The following RIPK1 variants were observed in gnomAD, a reference collection of about 807,000 sequenced individuals.
The protein encoded by RIPK1 is receptor-interacting serine/threonine-protein kinase 1.
Under a neutral mutation model 62.4 loss-of-function variants are expected in RIPK1, and 27 were observed. The ratio of observed to expected loss-of-function variants is 0.43; its 90% CI spans 0.32 to 0.60. The LOEUF (loss-of-function observed/expected upper bound fraction) is 0.60. RIPK1 is among the 20% of genes least tolerant of loss of function. The probability of loss-of-function intolerance (pLI) is 0.07; values close to 1 mark genes in which losing one functional copy is unlikely to be tolerated. For synonymous variants in RIPK1, 287 were observed against 303.2 expected, an observed-to-expected ratio of 0.95 and a Z score of 0.55; for missense variants, 735 against 831.0, an observed-to-expected ratio of 0.88 and a Z score of 1.42.
chr6:3,068,354 A>C, upstream of RIPK1: 1 of 985,300 alleles, frequency 1.0e-6, no homozygotes, highest in Non-Finnish European at 1.2e-6. Context: ...TCGCTTGAAA[A>C]CAAAGTCCGC....
intron 8 of RIPK1, among the ~76,000 whole-genome samples, chr6:3,104,552 T>G (rs1032785146): frequency 6.6e-6 from 1 of 152,042 alleles, no homozygotes; most frequent in Non-Finnish European, 1.5e-5. Flanking sequence ...ATATATCTGA[T>G]GGGGAGAAGT....
At chr6:3,064,100 G>A (rs1758272648), upstream of RIPK1, 1 of 152,272 alleles carries the variant, frequency 6.6e-6, no homozygotes, top group Admixed American at 6.5e-5. Context: ...GAGCACGGGA[G>A]TGGCGAGCTT....
intron 1 of RIPK1, 106 bp from the exon 2 acceptor site, chr6:3,076,658 T>A (rs1759062879): frequency 4.9e-6 from 1 of 205,824 alleles, no homozygotes. Flanking sequence ...CCAGCCTGAC[T>A]GACAAAGTGA....
At chr6:3,064,015 A>G (rs12203636), upstream of RIPK1, 71,006 of 152,328 alleles carry the variant, frequency 0.47, 17,816 homozygotes, top group Non-Finnish European at 0.57. Context: ...GCGCCTCGGG[A>G]GTCGGCGTCC....
intron 5 of RIPK1, among the ~76,000 whole-genome samples, chr6:3,084,899 T>C (rs918062477): frequency 2.6e-4 from 39 of 152,248 alleles, no homozygotes; most frequent in South Asian, 1.0e-3. Context: ...GCCTCAGCCT[T>C]CTTGAATAGC....
Position 3,105,553 on chromosome 6 carries a change from G to T in RIPK1, c.1078G>T (p.Ala360Ser), listed in dbSNP as rs752124837. Residue 360 changes from alanine (A) to serine (S), a missense_variant, in exon 9 of 11, where the codon GCT becomes TCT. Ala to Ser is a moderately conservative substitution (Grantham distance 99). Around this residue, in one of 2 missense-constraint regions of RIPK1, gnomAD observed 671 missense variants for 726.2 expected, o/e 0.92. Coordinates refer to ENST00000259808, the MANE Select transcript of RIPK1 (RefSeq NM_001354930.2). This position sits in a 1 kb window ranked among gnomAD's most constrained non-coding sequence, Gnocchi z 4.5. ...GMGPVEESWF[A>S]PSLEHPQEEN... ...GGGTCCTGTGGAGGAGTCCTGGTTT[G>T]CTCCTTCCCTGGAGCACCCACAAGA... 1.2e-6 allele frequency: 2 copies of T among 1,610,916 alleles called. No individual in the cohort carries two copies. Among genetic ancestry groups the T allele is most frequent in the South Asian group, 1.1e-5 (1 of 90,616 alleles).
chr6:3,066,850 C>T (rs921082491), upstream of RIPK1, among the ~76,000 whole-genome samples: 1 of 152,154 alleles, frequency 6.6e-6, no homozygotes, highest in Non-Finnish European at 1.5e-5. Context: ...CCTGTAACGT[C>T]AGACTCCACT....
intron 6 of RIPK1, among the ~76,000 whole-genome samples, chr6:3,089,067 A>T (rs1040207967): frequency 5.3e-5 from 8 of 152,282 alleles, no homozygotes; most frequent in African/African-American, 1.7e-4. Flanking sequence ...TGTTTGTTTT[A>T]TAAATAATAT....
In RIPK1 at chr6:3,073,208, AAT is replaced by A. The variant is rs563115587; in HGVS notation, c.-60-3553_-60-3552del. Among the ~76,000 whole-genome samples the A allele has an allele frequency of 2.2e-3, 324 of 144,110 alleles. 2 individuals carry two copies. Among genetic ancestry groups the A allele is most frequent in the African/African-American group, 7.6e-3 (310 of 40,594 alleles). 94.5% of individuals were successfully genotyped at this position (144,110 alleles called of 152,430 possible). Reference sequence around the variant, plus strand: ...TACAATATATGCATACACACATACAAATATGTGTATATATACACACATATACA... The same window carrying A: ...TACAATATATGCATACACACATACAAATGTGTATATATACACACATATACA... On this transcript the variant is annotated intron_variant, in intron 1 of 10. Coordinates refer to ENST00000259808, the MANE Select transcript of RIPK1 (RefSeq NM_001354930.2).
Position 3,072,982 on chromosome 6 carries a change from A to G in RIPK1, c.-60-3782A>G, listed in dbSNP as rs1438907625. 6.6e-6 allele frequency among the ~76,000 whole-genome samples: 1 copy of G among 152,142 alleles called. No homozygotes were observed. The highest frequency in any genetic ancestry group is 2.4e-5 in the African/African-American group (1 of 41,436). ...TGCTGACAGAGTGATCCCAGCTGAGAATGTTGGCATTCTCAAAGCCCAAGG... is the reference window on the plus strand; with the variant it reads ...TGCTGACAGAGTGATCCCAGCTGAGGATGTTGGCATTCTCAAAGCCCAAGG... On this transcript the variant is annotated intron_variant, in intron 1 of 10. Transcript: ENST00000259808. This position sits in a 1 kb window ranked among gnomAD's most constrained non-coding sequence, Gnocchi z 5.6.
intron 1 of RIPK1, among the ~76,000 whole-genome samples, chr6:3,073,619 G>C (rs944669081): frequency 6.6e-6 from 1 of 152,024 alleles, no homozygotes; most frequent in African/African-American, 2.4e-5. Flanking sequence ...TCTCTTGTTT[G>C]GTAATGTCTT....
At chr6:3,087,312 T>A (rs1011703638) in intron 6 of RIPK1, among the ~76,000 whole-genome samples, 2 of 152,182 alleles carry the variant, frequency 1.3e-5, no homozygotes, top group African/African-American at 4.8e-5. Context: ...GTAAGTACTT[T>A]TTAACCCCCA....
At chr6:3,100,617 G>T (rs1760543230) in intron 7 of RIPK1, among the ~76,000 whole-genome samples, 1 of 151,982 alleles carries the variant, frequency 6.6e-6, no homozygotes. Flanking sequence ...TTTTGAGACG[G>T]TCTTACTCTG....
At chr6:3,083,657 G>A (rs1759537146) in intron 5 of RIPK1, among the ~76,000 whole-genome samples, 1 of 152,136 alleles carries the variant, frequency 6.6e-6, no homozygotes, top group Non-Finnish European at 1.5e-5. Flanking sequence ...TCGGCATTGG[G>A]AATATAAAGA....
In RIPK1 at chr6:3,072,405, A is replaced by AT. The variant is rs1491372194; in HGVS notation, c.-61+3744_-61+3745insT. On this transcript the variant is annotated intron_variant, in intron 1 of 10. Transcript: ENST00000259808. This position sits in a 1 kb window ranked among gnomAD's most constrained non-coding sequence, Gnocchi z 5.6. ...TATCTATTTACATATATATATATAT[A>AT]AAACACACACAAATGTGAATATAAT... Among the ~76,000 whole-genome samples the AT allele has an allele frequency of 1.3e-5, 2 of 149,310 alleles. No individual in the cohort carries two copies. Among genetic ancestry groups the AT allele is most frequent in the South Asian group, 4.2e-4 (2 of 4,728 alleles).
intron 7 of RIPK1, among the ~76,000 whole-genome samples, chr6:3,099,776 G>A (rs1169374192): frequency 6.6e-6 from 1 of 152,144 alleles, no homozygotes; most frequent in African/African-American, 2.4e-5. Flanking sequence ...TGCAGTGTTG[G>A]TAAGAGTGGC....
rs2022874824 is a variant in RIPK1, at chr6:3,076,970, G to A, written c.147G>A (p.Lys49=). ...QGLMIMKTVY[K]GPNCIEHNEA... The stretch of plus-strand genomic sequence containing the variant: ...TCATGATCATGAAAACAGTGTACAA[G>A]GGGCCCAACTGCATTGAGTGAGTAG... The change falls in exon 2 of 11, where the codon AAG becomes AAA. Residue 49 remains lysine (K), a synonymous_variant. Transcript: ENST00000259808. 1 of 1,609,758 alleles carries A rather than the reference G, an allele frequency of 6.2e-7. No individual in the cohort carries two copies. The highest frequency in any genetic ancestry group is 1.3e-5 in the African/African-American group (1 of 74,662).
chr6:3,113,333 G>A lies in RIPK1; in HGVS notation c.2010G>A (p.Gln670=), dbSNP rs1761261666. The A allele has an allele frequency of 6.2e-6, 10 of 1,613,194 alleles. No homozygotes were observed. Among genetic ancestry groups the A allele is most frequent in the Non-Finnish European group, 8.5e-6 (10 of 1,179,506 alleles). ...DLLSSLIYVS[Q]N is the part of the protein sequence containing the mutation. ...TGAGCAGCTTGATTTACGTCAGCCA[G>A]AACTAACCCTGGATGGGCTACGGCA... is the stretch of plus-strand genomic sequence containing the variant. The change falls in exon 11 of 11, where the codon CAG becomes CAA. Residue 670 remains glutamine (Q), a synonymous_variant. Coordinates refer to ENST00000259808, the MANE Select transcript of RIPK1 (RefSeq NM_001354930.2). The surrounding 1 kb of genome is among the most constrained non-coding windows in gnomAD (Gnocchi z 5.0).
In RIPK1 at chr6:3,085,838, C is replaced by T. The variant is rs148732354; in HGVS notation, c.838+430C>T. Among the ~76,000 whole-genome samples, 447 of 152,158 alleles carry T rather than the reference C, an allele frequency of 2.9e-3. 2 individuals carry two copies. Among genetic ancestry groups the T allele is most frequent in the African/African-American group, 0.01 (431 of 41,474 alleles). ...TGCCTTATATATAAGTGGAATCATA[C>T]AGTATTTGTCCTTTTGTGTCTGGCT... On this transcript the variant is annotated intron_variant, in intron 6 of 10. Coordinates refer to ENST00000259808, the MANE Select transcript of RIPK1 (RefSeq NM_001354930.2).
Sources: allele counts gnomAD v4.1 joint callset (sites outside exome capture counted in the v4.1 genomes callset), GRCh38; gene constraint gnomAD v4.1.1; regional missense constraint gnomAD v4.1.1; non-coding constraint Gnocchi (gnomAD v3.1); transcripts MANE v1.5; gene names NCBI Gene and HGNC (gene_info 2026-07-23, HGNC 2026-07-21).